TSBP1: variants seen among roughly 807,000 people sequenced by gnomAD.
The protein encoded by TSBP1 is testis-expressed basic protein 1.
TSBP1 carries 56 observed loss-of-function variants against 68.8 expected under a neutral mutation model. The observed-to-expected ratio is 0.81, with a 90% confidence interval of 0.66 to 1.02. The LOEUF (loss-of-function observed/expected upper bound fraction) is 1.02, where lower values mean the gene tolerates loss of function less well. Among genes scored for constraint, TSBP1 ranks in the 50% least tolerant of loss-of-function variants. TSBP1 has a pLI of 0.00. For synonymous variants in TSBP1, 171 were observed against 208.7 expected, an observed-to-expected ratio of 0.82 and a Z score of 1.56; for missense variants, 502 against 641.2, an observed-to-expected ratio of 0.78 and a Z score of 2.34.
Position 32,306,474 on chromosome 6 carries a change from A to C in TSBP1, c.581-3845T>G, listed in dbSNP as rs943952591. The stretch of plus-strand genomic sequence containing the variant: ...GGTTCTCCATCTTCTCGGTTTGCTG[A>C]CTCTCCAATATAATCTGCTTTTCAT... On this transcript the variant is annotated intron_variant, in intron 19 of 22. Transcript: ENST00000612031. The surrounding 1 kb of genome is among the most constrained non-coding windows in gnomAD (Gnocchi z 5.1). Among the ~76,000 whole-genome samples, 2 of 151,350 alleles carry C rather than the reference A, an allele frequency of 1.3e-5. No individual in the cohort carries two copies. The highest frequency in any genetic ancestry group is 4.9e-5 in the African/African-American group (2 of 41,190).
At position 32,292,783 on chromosome 6, in the gene TSBP1, A is replaced by G; in HGVS notation, c.*198T>C. ...GGAATCATATACGTCTTAACTTATA[A>G]AACAAATATTTGGAAACTGAGGTTT... On this transcript the variant is annotated 3_prime_UTR_variant, in exon 23 of 23. Coordinates refer to ENST00000612031, the Ensembl canonical transcript of TSBP1. This position sits in a 1 kb window ranked among gnomAD's most constrained non-coding sequence, Gnocchi z 4.1. The G allele has an allele frequency of 1.9e-6, 1 of 539,316 alleles. No individual in the cohort carries two copies. The highest frequency in any genetic ancestry group is 3.2e-6 in the Non-Finnish European group (1 of 310,192). The allele number at this position is 539,316 out of a possible 1,614,324, so 33.4% of individuals were successfully genotyped here.
chr6:32,320,958 T>G (rs1767566270), intron 18 of TSBP1, among the ~76,000 whole-genome samples: 1 of 152,170 alleles, frequency 6.6e-6, no homozygotes, highest in South Asian at 2.1e-4. Context: ...GTTCCTGCAT[T>G]AGTTTGCTAG....
Position 32,325,455 on chromosome 6 carries a change from G to C in TSBP1, c.515-1841C>G. The stretch of plus-strand genomic sequence containing the variant: ...CGTGAATGCAAGGCCACACAAGGTG[G>C]ATGGAAGAGCTGTGGAACCAAAGAG... On this transcript the variant is annotated intron_variant, in intron 16 of 22. Transcript: ENST00000612031. The surrounding 1 kb of genome is among the most constrained non-coding windows in gnomAD (Gnocchi z 4.4). 1.1e-6 allele frequency: 1 copy of C among 910,278 alleles called. No homozygotes were observed. The highest frequency in any genetic ancestry group is 2.4e-5 in the East Asian group (1 of 41,718). 56.4% of individuals were successfully genotyped at this position (910,278 alleles called of 1,614,324 possible).
chr6:32,349,374 C>T (rs189492702), intron 9 of TSBP1: 1 of 168,444 alleles, frequency 5.9e-6, no homozygotes. Context: ...TTCGTGCTAG[C>T]CATGTAAAGC....
Position 32,336,308 on chromosome 6 carries a change from A to G in TSBP1, c.430+307T>C, listed in dbSNP as rs12526151. On this transcript the variant is annotated intron_variant, in intron 12 of 22. Coordinates refer to ENST00000612031, the Ensembl canonical transcript of TSBP1. This position sits in a 1 kb window ranked among gnomAD's most constrained non-coding sequence, Gnocchi z 5.2. ...CTGATGGATCATTATGACTATTTCT[A>G]AGAGGGCTGTTTTGGTTTATATTTT... Among the ~76,000 whole-genome samples the G allele has an allele frequency of 0.086, 13,123 of 152,204 alleles. 805 individuals are homozygous for G. The highest frequency in any genetic ancestry group is 0.1 in the East Asian group (519 of 5,180).
At chr6:32,296,761 TACTTCATGACTCATTTTAACCTAAA>T (rs1764769855) in intron 22 of TSBP1, among the ~76,000 whole-genome samples, 1 of 152,220 alleles carries the variant, frequency 6.6e-6, no homozygotes, top group African/African-American at 2.4e-5. Flanking sequence ...CTGTGTGTAA[TACTTCATGACTCATTTTAACCTAAA>T]TTTACCTTCT....
intron 19 of TSBP1, among the ~76,000 whole-genome samples, chr6:32,309,361 T>C (rs967733671): frequency 1.3e-5 from 2 of 152,196 alleles, no homozygotes; most frequent in Non-Finnish European, 2.9e-5. Context: ...ATATGTTTCT[T>C]GGTTCTAACT....
chr6:32,357,835 CTAAGAG>C lies in TSBP1; in HGVS notation c.218-2172_218-2167del, dbSNP rs1439692164. On this transcript the variant is annotated intron_variant, in intron 6 of 22. Coordinates refer to ENST00000612031, the Ensembl canonical transcript of TSBP1. The surrounding 1 kb of genome is among the most constrained non-coding windows in gnomAD (Gnocchi z 4.7). ...GATTAGGGCTTGGGTTTTAGACATG[CTAAGAG>C]TGAGATGCCTTTCATATATCTTCAG... Among the ~76,000 whole-genome samples, 3 of 139,938 alleles carry C rather than the reference CTAAGAG, an allele frequency of 2.1e-5. No homozygotes were observed. Among genetic ancestry groups the C allele is most frequent in the African/African-American group, 8.2e-5 (3 of 36,534 alleles). 91.8% of individuals were successfully genotyped at this position (139,938 alleles called of 152,430 possible).
intron 6 of TSBP1, chr6:32,356,845 G>A (rs941682915): frequency 1.0e-4 from 16 of 154,408 alleles, no homozygotes; most frequent in African/African-American, 3.8e-4. Flanking sequence ...ACTTTCATGC[G>A]CTGCACTTAA....
chr6:32,330,056 G>A (rs1344696771), intron 16 of TSBP1, among the ~76,000 whole-genome samples: 3 of 152,152 alleles, frequency 2.0e-5, no homozygotes, highest in Non-Finnish European at 4.4e-5. Flanking sequence ...GCGCGCACGT[G>A]TGTTGGGGAT....
rs578120947 is a variant in TSBP1 at position 32,294,873 on chromosome 6, C to CTTTT, written c.638-842_638-839dup. 6.0e-3 allele frequency among the ~76,000 whole-genome samples: 914 copies of CTTTT among 151,684 alleles called. 10 individuals are homozygous for CTTTT. Among genetic ancestry groups the CTTTT allele is most frequent in the East Asian group, 0.019 (100 of 5,182 alleles). On this transcript the variant is annotated intron_variant, in intron 22 of 22. Transcript: ENST00000612031. ...GCTTCTGCTAGGTATTTTTTATTTG[C>CTTTT]TTTTGTTTTTTTTAAGTAATATGGT...
chr6:32,339,669 T>C (rs3132944), intron 9 of TSBP1, 31 bp from the exon 11 acceptor site: 707,126 of 927,106 alleles, frequency 0.76, 272,934 homozygotes, highest in South Asian at 0.87. Flanking sequence ...TGTAACATTA[T>C]TTAGATTTAG....
chr6:32,360,970 G>A (rs1374779662), intron 6 of TSBP1, among the ~76,000 whole-genome samples: 1 of 151,480 alleles, frequency 6.6e-6, no homozygotes, highest in Non-Finnish European at 1.5e-5. Context: ...ATGTTGGTGT[G>A]CTGCACCCAT....
chr6:32,370,856 AG>A (rs1774338316), intron 1 of TSBP1, among the ~76,000 whole-genome samples: 2 of 9,646 alleles, frequency 2.1e-4, no homozygotes, highest in African/African-American at 5.6e-4. Context: ...AAAAAAGAAA[AG>A]AGAGAGAGAG....
chr6:32,310,876 C>G (rs1170583941), intron 19 of TSBP1, among the ~76,000 whole-genome samples: 10 of 151,646 alleles, frequency 6.6e-5, no homozygotes, highest in African/African-American at 2.2e-4. Flanking sequence ...TGTCATATGC[C>G]GTATCAGCTG....
intron 6 of TSBP1, among the ~76,000 whole-genome samples, chr6:32,364,842 A>G (rs1192342472): frequency 1.3e-5 from 2 of 152,090 alleles, no homozygotes; most frequent in Non-Finnish European, 2.9e-5. Flanking sequence ...GTGTTTTCAC[A>G]TTTGAAGAAA....
At chr6:32,328,404 C>T (rs1386013507) in intron 16 of TSBP1, among the ~76,000 whole-genome samples, 4 of 150,466 alleles carry the variant, frequency 2.7e-5, no homozygotes, top group African/African-American at 4.9e-5. Flanking sequence ...TGCACCACCA[C>T]GCCCAGCTAA....
intron 21 of TSBP1, among the ~76,000 whole-genome samples, 172 bp from the exon 25 acceptor site, chr6:32,300,108 CAG>C (rs1474879926): frequency 2.6e-5 from 4 of 152,032 alleles, no homozygotes; most frequent in Admixed American, 2.6e-4. Context: ...GCACTCCACA[CAG>C]AGGGTTATCT....
chr6:32,345,892 G>C (rs1318040172), intron 9 of TSBP1, among the ~76,000 whole-genome samples: 1 of 152,086 alleles, frequency 6.6e-6, no homozygotes, highest in African/African-American at 2.4e-5. Flanking sequence ...GTCATCTTGA[G>C]CTTCAGGGAT....
Sources: allele counts gnomAD v4.1 joint callset (sites outside exome capture counted in the v4.1 genomes callset), GRCh38; gene constraint gnomAD v4.1.1; non-coding constraint Gnocchi (gnomAD v3.1); transcripts MANE v1.5; gene names NCBI Gene and HGNC (gene_info 2026-07-23, HGNC 2026-07-21).